LAMA2: variants seen among roughly 807,000 people sequenced by gnomAD.
The protein encoded by LAMA2 is laminin subunit alpha 2, also known as laminin subunit alpha-2.
LAMA2 carries 269 observed loss-of-function variants against 364.8 expected under a neutral mutation model. The observed-to-expected ratio is 0.74, with a 90% CI of 0.67 to 0.82. The LOEUF (loss-of-function observed/expected upper bound fraction) is 0.82, where lower values mean the gene tolerates loss of function less well. Among genes scored for constraint, LAMA2 ranks in the 40% least tolerant of loss-of-function variants. LAMA2 has a pLI of 0.00. For missense variants in LAMA2, 3,807 were observed against 3,873.2 expected, an observed-to-expected ratio of 0.98 and a Z score of 0.45; for synonymous variants, 1,379 against 1,370.6, an observed-to-expected ratio of 1.01 and a Z score of -0.14.
intron 1 of LAMA2, among the ~76,000 whole-genome samples, chr6:129,042,995 G>A (rs892274913): frequency 5.9e-5 from 9 of 152,026 alleles, no homozygotes; most frequent in African/African-American, 1.9e-4. Context: ...GTCTTTTTAA[G>A]GACATGTAAT....
intron 1 of LAMA2, chr6:128,929,438 A>C: frequency 1.2e-6 from 1 of 845,156 alleles, no homozygotes; most frequent in Non-Finnish European, 2.1e-6. Flanking sequence ...TTGGAGAAGG[A>C]GTGGACGGTG....
rs145612383 is a variant in LAMA2 at position 128,945,362 on chromosome 6, C to T, written c.112+62005C>T. ...ACTTTTTAATCAGTGTAGTTGCCAT[C>T]GGACTCACCCACCAGCTTGCCTGCT... On this transcript the variant is annotated intron_variant, in intron 1 of 64. Coordinates refer to ENST00000421865, the MANE Select transcript of LAMA2 (RefSeq NM_000426.4). Among the ~76,000 whole-genome samples, 356 of 152,298 alleles carry T rather than the reference C, an allele frequency of 2.3e-3. 2 individuals are homozygous for T. Among genetic ancestry groups the T allele is most frequent in the African/African-American group, 8.2e-3 (340 of 41,554 alleles).
intron 3 of LAMA2, among the ~76,000 whole-genome samples, chr6:129,085,073 C>T (rs570270558): frequency 6.6e-6 from 1 of 152,180 alleles, no homozygotes; most frequent in Non-Finnish European, 1.5e-5. Flanking sequence ...CAGTTTTATC[C>T]CTTGGGTATC....
intron 4 of LAMA2, among the ~76,000 whole-genome samples, chr6:129,140,378 A>C (rs990102501): frequency 2.0e-5 from 3 of 152,112 alleles, no homozygotes; most frequent in Admixed American, 2.0e-4. Flanking sequence ...TTGGAAAACA[A>C]ATTTCAAAGA....
chr6:129,258,021 T>C (rs1315886656), intron 14 of LAMA2, among the ~76,000 whole-genome samples: 1 of 152,068 alleles, frequency 6.6e-6, no homozygotes, highest in Non-Finnish European at 1.5e-5. Flanking sequence ...TATCTACCCA[T>C]CCGTCCACCC....
At chr6:128,932,968 G>A (rs1220274454) in intron 1 of LAMA2, among the ~76,000 whole-genome samples, 1 of 152,124 alleles carries the variant, frequency 6.6e-6, no homozygotes, top group Admixed American at 6.5e-5. Context: ...AACTGAAACT[G>A]TGTACCCTTT....
At chr6:129,342,062 A>T (rs556403086) in intron 29 of LAMA2, among the ~76,000 whole-genome samples, 1 of 152,358 alleles carries the variant, frequency 6.6e-6, no homozygotes. Context: ...GTAGGAGAAA[A>T]ATTTACATAG....
intron 17 of LAMA2, 75 bp downstream of exon 17, chr6:129,270,826 C>A (rs1287893776): frequency 2.1e-6 from 3 of 1,418,948 alleles, no homozygotes; most frequent in Non-Finnish European, 3.0e-6. Context: ...CAAATATACA[C>A]TTCCTTTTAT....
chr6:129,037,870 C>T lies in LAMA2; in HGVS notation c.113-12048C>T, dbSNP rs557054433. On this transcript the variant is annotated intron_variant, in intron 1 of 64. Coordinates refer to ENST00000421865, the MANE Select transcript of LAMA2 (RefSeq NM_000426.4). ...ATTTTTAGTAGAGACAGGGTTTCAC[C>T]GTGTTAGCCAGGATGGTCTTGATCT... 3.0e-4 allele frequency among the ~76,000 whole-genome samples: 46 copies of T among 152,110 alleles called. No homozygotes were observed. In the South Asian group the frequency reaches 6.4e-3, roughly 21 times the overall value.
chr6:129,255,132 G>T (rs1403455868), intron 14 of LAMA2, among the ~76,000 whole-genome samples: 1 of 151,896 alleles, frequency 6.6e-6, no homozygotes, highest in Non-Finnish European at 1.5e-5. Flanking sequence ...CTGGGGCCGG[G>T]CACGGTGGCT....
At chr6:129,452,360 A>G (rs10456981) in intron 45 of LAMA2, among the ~76,000 whole-genome samples, 94,090 of 151,944 alleles carry the variant, frequency 0.62, 29,519 homozygotes, top group African/African-American at 0.7. Flanking sequence ...AAATACATTA[A>G]TAGTGATAGC....
intron 58 of LAMA2, among the ~76,000 whole-genome samples, chr6:129,493,648 C>A (rs2114863671): frequency 6.6e-6 from 1 of 152,292 alleles, no homozygotes; most frequent in East Asian, 1.9e-4. Context: ...ATAATGAGTA[C>A]TTTCACCAGC....
chr6:129,463,122 A>G (rs1783344597), intron 49 of LAMA2, among the ~76,000 whole-genome samples: 1 of 152,090 alleles, frequency 6.6e-6, no homozygotes, highest in East Asian at 1.9e-4. Flanking sequence ...ATATTTTAAT[A>G]GACTTAGCCC....
chr6:129,223,910 C>G (rs554631858), intron 12 of LAMA2, among the ~76,000 whole-genome samples: 2 of 152,230 alleles, frequency 1.3e-5, no homozygotes, highest in Non-Finnish European at 2.9e-5. Flanking sequence ...ATAGGGATGG[C>G]ATTGAATCTA....
intron 58 of LAMA2, among the ~76,000 whole-genome samples, chr6:129,501,928 A>G (rs932287341): frequency 1.3e-5 from 2 of 152,194 alleles, no homozygotes; most frequent in African/African-American, 4.8e-5. Context: ...TGGAAAATGC[A>G]GGGCCCCTCA....
intron 22 of LAMA2, among the ~76,000 whole-genome samples, chr6:129,303,063 AG>A (rs1773647040): frequency 6.6e-6 from 1 of 152,138 alleles, no homozygotes; most frequent in Admixed American, 6.5e-5. Context: ...ACAGCTTAAA[AG>A]TATTAGATAT....
At chr6:129,245,325 C>A (rs1023550444) in intron 12 of LAMA2, among the ~76,000 whole-genome samples, 7 of 152,098 alleles carry the variant, frequency 4.6e-5, no homozygotes, top group African/African-American at 1.7e-4. Context: ...TAAAATTGCA[C>A]TTACTCCTAC....
chr6:128,987,488 G>C (rs144912409), intron 1 of LAMA2, among the ~76,000 whole-genome samples: 22 of 152,226 alleles, frequency 1.4e-4, no homozygotes, highest in African/African-American at 5.1e-4. Context: ...GGTAAAAGTA[G>C]ATAAATTTAT....
At chr6:129,510,617 A>T (rs1388269658) in intron 62 of LAMA2, among the ~76,000 whole-genome samples, 1 of 152,144 alleles carries the variant, frequency 6.6e-6, no homozygotes, top group Non-Finnish European at 1.5e-5. Context: ...ACTGGTAAGA[A>T]ATTGAAAGAA....
Sources: allele counts gnomAD v4.1 joint callset (sites outside exome capture counted in the v4.1 genomes callset), GRCh38; gene constraint gnomAD v4.1.1; transcripts MANE v1.5; gene names NCBI Gene and HGNC (gene_info 2026-07-23, HGNC 2026-07-21).